ATXN10: variants seen among roughly 807,000 people sequenced by gnomAD.
The protein encoded by ATXN10 is ataxin 10.
ATXN10 carries 28 observed loss-of-function variants against 52.9 expected under a neutral mutation model. The observed-to-expected ratio is 0.53, with a 90% CI of 0.39 to 0.73. The LOEUF (loss-of-function observed/expected upper bound fraction) is 0.73. Among genes scored for constraint, ATXN10 ranks in the 30% least tolerant of loss-of-function variants. The pLI is 0.00. For missense variants in ATXN10, 565 were observed against 577.0 expected (o/e 0.98, Z 0.21); for synonymous variants, 226 against 221.5 (o/e 1.02, Z -0.18).
In ATXN10 at chr22:45,840,130, A is replaced by G. The variant is rs529297677; in HGVS notation, c.1238-2861A>G. ...AGACACGGTGGCTGTAGTCCCAGCT[A>G]TTCGGGAGGCTGAGGCAAGAGGATC... is the stretch of plus-strand genomic sequence containing the variant. On this transcript the variant is annotated intron_variant, in intron 10 of 11. Transcript: ENST00000252934. The surrounding 1 kb of genome is among the most constrained non-coding windows in gnomAD (Gnocchi z 5.8). Among the ~76,000 whole-genome samples, 1 of 152,310 alleles carries G rather than the reference A, an allele frequency of 6.6e-6. No homozygotes were observed. Among genetic ancestry groups the G allele is most frequent in the South Asian group, 2.1e-4 (1 of 4,832 alleles).
Position 45,752,555 on chromosome 22 carries a change from G to T in ATXN10, c.1173+12017G>T, listed in dbSNP as rs1457950753. Among the ~76,000 whole-genome samples the T allele has an allele frequency of 5.0e-5, 7 of 138,868 alleles. No individual in the cohort carries two copies. The South Asian group carries it at 1.6e-3, about 32-fold the overall frequency. 91.1% of individuals were successfully genotyped at this position (138,868 alleles called of 152,430 possible). The stretch of plus-strand genomic sequence containing the variant: ...CACCTGAGGGGTTGGGGTTGGGGTT[G>T]GGGTTGGGGTTGGGGCTGGGGCTGG... On this transcript the variant is annotated intron_variant, in intron 9 of 11. Coordinates refer to ENST00000252934, the MANE Select transcript of ATXN10 (RefSeq NM_013236.4).
intron 10 of ATXN10, among the ~76,000 whole-genome samples, chr22:45,832,345 G>T (rs1035486591): frequency 6.6e-6 from 1 of 152,130 alleles, no homozygotes; most frequent in African/African-American, 2.4e-5. Context: ...CCATGTGGAG[G>T]CGCTGTGTGG....
At position 45,820,606 on chromosome 22, in the gene ATXN10, A is replaced by T. The variant is rs1225267071; in HGVS notation, c.1237+13584A>T. Reference sequence around the variant, plus strand: ...TAGATCCACATTATCCCTTCATTGGAGAAAGTATAAAAATAAAGCTAACTT... The same window carrying T: ...TAGATCCACATTATCCCTTCATTGGTGAAAGTATAAAAATAAAGCTAACTT... On this transcript the variant is annotated intron_variant, in intron 10 of 11. Transcript: ENST00000252934. This position sits in a 1 kb window ranked among gnomAD's most constrained non-coding sequence, Gnocchi z 4.9. 6.6e-6 allele frequency among the ~76,000 whole-genome samples: 1 copy of T among 152,154 alleles called. No homozygotes were observed. Among genetic ancestry groups the T allele is most frequent in the Non-Finnish European group, 1.5e-5 (1 of 68,036 alleles).
chr22:45,713,588 G>A (rs1339757968), intron 5 of ATXN10, among the ~76,000 whole-genome samples: 1 of 152,070 alleles, frequency 6.6e-6, no homozygotes, highest in Non-Finnish European at 1.5e-5. Flanking sequence ...TCACTCTTTA[G>A]CAGAATGGTT....
chr22:45,721,919 AAAAAC>A (rs61512720), intron 6 of ATXN10, among the ~76,000 whole-genome samples: 58 of 152,266 alleles, frequency 3.8e-4, no homozygotes, highest in Middle Eastern at 6.8e-3. Flanking sequence ...TGTCACATGA[AAAAAC>A]AAAACAAAAC....
At chr22:45,764,184 C>G (rs1397100572) in intron 9 of ATXN10, among the ~76,000 whole-genome samples, 2 of 152,114 alleles carry the variant, frequency 1.3e-5, no homozygotes, top group East Asian at 1.9e-4. Flanking sequence ...TCTCCCTCCC[C>G]CATCGCAGGG....
At chr22:45,748,942 G>A (rs548382912) in intron 9 of ATXN10, among the ~76,000 whole-genome samples, 6 of 152,178 alleles carry the variant, frequency 3.9e-5, no homozygotes, top group South Asian at 2.1e-4. Context: ...CTAAAGGATG[G>A]TCTACCATTT....
At position 45,701,297 on chromosome 22, in the gene ATXN10, T is replaced by G. The variant is rs1923834823; in HGVS notation, c.488+919T>G. Among the ~76,000 whole-genome samples the G allele has an allele frequency of 6.6e-6, 1 of 152,220 alleles. No individual in the cohort carries two copies. The highest frequency in any genetic ancestry group is 2.1e-4 in the South Asian group (1 of 4,830). ...AGACCTGAAGCTCATCACTGGTAAA[T>G]GGCAGAGGTAGAGTGTAAACCCATT... On this transcript the variant is annotated intron_variant, in intron 4 of 11. Transcript: ENST00000252934. The surrounding 1 kb of genome is among the most constrained non-coding windows in gnomAD (Gnocchi z 4.2).
At chr22:45,807,603 G>T (rs1029082025) in intron 10 of ATXN10, among the ~76,000 whole-genome samples, 1 of 152,250 alleles carries the variant, frequency 6.6e-6, no homozygotes, top group Non-Finnish European at 1.5e-5. Context: ...ACCCTTGCTG[G>T]AGGGTGTTCT....
At chr22:45,761,699 T>G (rs1926397611) in intron 9 of ATXN10, among the ~76,000 whole-genome samples, 1 of 152,230 alleles carries the variant, frequency 6.6e-6, no homozygotes, top group African/African-American at 2.4e-5. Flanking sequence ...CAGTTTTTGC[T>G]TAGTCCTTGT....
chr22:45,718,378 C>A lies in ATXN10; in HGVS notation c.648-35C>A. 1 of 1,530,834 alleles carries A rather than the reference C, an allele frequency of 6.5e-7. No homozygotes were observed. Among genetic ancestry groups the A allele is most frequent in the Non-Finnish European group, 9.1e-7 (1 of 1,104,246 alleles). 94.8% of individuals were successfully genotyped at this position (1,530,834 alleles called of 1,614,324 possible). A position where few individuals can be genotyped will look rare whatever the true frequency, so the allele number is the denominator to read the frequency against. ...AGGGCATGTCTCTTTTACTATGTTT[C>A]AAGTAACCAAACTTTCCTCCTCTTT... On this transcript the variant is annotated intron_variant, in intron 5 of 11. Coordinates refer to ENST00000252934, the MANE Select transcript of ATXN10 (RefSeq NM_013236.4). This position sits in a 1 kb window ranked among gnomAD's most constrained non-coding sequence, Gnocchi z 4.4.
intron 9 of ATXN10, among the ~76,000 whole-genome samples, chr22:45,800,960 T>C (rs1927912259): frequency 1.3e-5 from 2 of 152,198 alleles, no homozygotes. Context: ...ACATCCCATG[T>C]CTTGATTTGT....
At position 45,840,579 on chromosome 22, in the gene ATXN10, G is replaced by C. The variant is rs867399477; in HGVS notation, c.1238-2412G>C. 6.6e-6 allele frequency among the ~76,000 whole-genome samples: 1 copy of C among 152,146 alleles called. No individual in the cohort carries two copies. Among genetic ancestry groups the C allele is most frequent in the African/African-American group, 2.4e-5 (1 of 41,430 alleles). On this transcript the variant is annotated intron_variant, in intron 10 of 11. Transcript: ENST00000252934. This position sits in a 1 kb window ranked among gnomAD's most constrained non-coding sequence, Gnocchi z 5.8. ...TTGTCAGAGGCTGAGAGATGAGGGCGCCTGGCAGGAGAGGTGGGTAGGGGC... is the reference window on the plus strand; with the variant it reads ...TTGTCAGAGGCTGAGAGATGAGGGCCCCTGGCAGGAGAGGTGGGTAGGGGC...
At chr22:45,735,812 C>CTTTTTTTTTTTTT (rs746222703) in intron 7 of ATXN10, among the ~76,000 whole-genome samples, 22 of 65,830 alleles carry the variant, frequency 3.3e-4, no homozygotes, top group East Asian at 1.7e-3. Context: ...ATTTGCTTGT[C>CTTTTTTTTTTTTT]TTTTTTTTTT....
intron 9 of ATXN10, chr22:45,793,777 A>G (rs1445144903): frequency 7.5e-7 from 1 of 1,336,504 alleles, no homozygotes; most frequent in Non-Finnish European, 9.6e-7. Flanking sequence ...GATGCAGGAC[A>G]GGTAAGCCCC....
chr22:45,738,838 T>A lies in ATXN10; in HGVS notation c.1002T>A (p.Ile334=). The part of the protein sequence containing the change: ...QVFPGLLERV[I]DLLRVIHVAG... ...TCCCTGGCTTGCTGGAAAGAGTGATTGGTGAGTGAAATATCACACATTGTA... is the reference window on the plus strand; with the variant it reads ...TCCCTGGCTTGCTGGAAAGAGTGATAGGTGAGTGAAATATCACACATTGTA... The change falls in exon 8 of 12, where the codon ATT becomes ATA. Residue 334 remains isoleucine (I), a splice_region_variant and synonymous_variant. Transcript: ENST00000252934. 1 of 1,611,026 alleles carries A rather than the reference T, an allele frequency of 6.2e-7. No homozygotes were observed. Among genetic ancestry groups the A allele is most frequent in the Non-Finnish European group, 8.5e-7 (1 of 1,177,170 alleles).
intron 5 of ATXN10, among the ~76,000 whole-genome samples, chr22:45,713,386 C>G (rs1924325167): frequency 6.6e-6 from 1 of 152,134 alleles, no homozygotes; most frequent in Non-Finnish European, 1.5e-5. Flanking sequence ...GTAGTTAGTG[C>G]TTTGGCATCA....
intron 10 of ATXN10, among the ~76,000 whole-genome samples, chr22:45,829,227 CATA>C (rs1170070823): frequency 6.6e-6 from 1 of 152,112 alleles, no homozygotes; most frequent in African/African-American, 2.4e-5. Context: ...ACTGCCTCAA[CATA>C]ATAAAAGCCA....
rs1384802167 is a variant in ATXN10 at position 45,787,422 on chromosome 22, A to T, written c.1174-19537A>T. 6.6e-6 allele frequency among the ~76,000 whole-genome samples: 1 copy of T among 152,124 alleles called. No homozygotes were observed. The highest frequency in any genetic ancestry group is 1.5e-5 in the Non-Finnish European group (1 of 68,014). On this transcript the variant is annotated intron_variant, in intron 9 of 11. Coordinates refer to ENST00000252934, the MANE Select transcript of ATXN10 (RefSeq NM_013236.4). This position sits in a 1 kb window ranked among gnomAD's most constrained non-coding sequence, Gnocchi z 4.2. ...CTCCTGGCCCCTTTTCCCTCAAGGC[A>T]CTAGGGAGACAGGAGGGCCCAGGAA...
Sources: allele counts gnomAD v4.1 joint callset (sites outside exome capture counted in the v4.1 genomes callset), GRCh38; gene constraint gnomAD v4.1.1; non-coding constraint Gnocchi (gnomAD v3.1); transcripts MANE v1.5; gene names NCBI Gene and HGNC (gene_info 2026-07-23, HGNC 2026-07-21).